The following CCND3 variants were observed in gnomAD, a reference collection of about 807,000 sequenced individuals.
CCND3 encodes cyclin D3, also known as G1/S-specific cyclin-D3.
A neutral mutation model predicts 28.7 loss-of-function variants in CCND3; 9 were observed. The observed-to-expected ratio is 0.31, with a 90% CI of 0.19 to 0.55. The LOEUF (loss-of-function observed/expected upper bound fraction) is 0.55. Among genes scored for constraint, CCND3 ranks in the 20% least tolerant of loss-of-function variants. The pLI is 0.93. For missense variants in CCND3, 315 were observed against 385.8 expected, an observed-to-expected ratio of 0.82 and a Z score of 1.54; for synonymous variants, 164 against 163.9, an observed-to-expected ratio of 1.00 and a Z score of 0.00.
upstream of CCND3, chr6:41,941,817 C>A: frequency 3.2e-6 from 1 of 308,612 alleles, no homozygotes; most frequent in Non-Finnish European, 5.8e-6. The surrounding 1 kb of genome is among the most constrained non-coding windows in gnomAD (Gnocchi z 6.1). Context: ...ACAGGCGCCC[C>A]GCCCCTCGCG....
At chr6:41,981,033 A>G (rs1466355718) in intron 1 of CCND3, among the ~76,000 whole-genome samples, 10 of 152,160 alleles carry the variant, frequency 6.6e-5, no homozygotes, top group Non-Finnish European at 1.5e-4. Flanking sequence ...TAGCTAATGC[A>G]ATAAGAAAAG....
At chr6:42,037,894 G>T (rs1238818778) in intron 1 of CCND3, among the ~76,000 whole-genome samples, 3 of 151,892 alleles carry the variant, frequency 2.0e-5, no homozygotes, top group Non-Finnish European at 4.4e-5. Flanking sequence ...AGCTGGGTGT[G>T]GTCGCACATG....
intron 1 of CCND3, among the ~76,000 whole-genome samples, chr6:41,954,797 A>T (rs1476918451): frequency 6.6e-6 from 1 of 152,164 alleles, no homozygotes; most frequent in Non-Finnish European, 1.5e-5. Context: ...TCCTACAGTG[A>T]TGGGCTTTGG....
At chr6:41,992,195 C>A (rs1762667028) in intron 1 of CCND3, among the ~76,000 whole-genome samples, 1 of 152,174 alleles carries the variant, frequency 6.6e-6, no homozygotes, top group South Asian at 2.1e-4. Context: ...AGAAGTCTCA[C>A]TCTGTCGCCC....
chr6:42,024,327 C>A, intron 1 of CCND3, among the ~76,000 whole-genome samples: 1 of 151,010 alleles, frequency 6.6e-6, no homozygotes, highest in Admixed American at 6.7e-5. Context: ...GGCATGAACC[C>A]AGGAGGCGGA....
intron 1 of CCND3, among the ~76,000 whole-genome samples, chr6:41,950,719 T>TTC (rs1220452165): frequency 5.3e-5 from 8 of 150,664 alleles, no homozygotes; most frequent in Non-Finnish European, 8.9e-5. Context: ...TTTTCTTTTT[T>TTC]TTTTTTTGAG....
upstream of CCND3, among the ~76,000 whole-genome samples, chr6:41,944,436 G>C (rs1485171187): frequency 6.7e-6 from 1 of 149,492 alleles, no homozygotes; most frequent in Admixed American, 6.6e-5. Context: ...TTTGTTTTTT[G>C]GTTTTCTTTG....
chr6:42,004,241 A>G (rs1763116054), intron 1 of CCND3, among the ~76,000 whole-genome samples: 1 of 151,960 alleles, frequency 6.6e-6, no homozygotes, highest in Admixed American at 6.6e-5. Flanking sequence ...CTGGGATTAC[A>G]GGTGTGAGCC....
intron 1 of CCND3, among the ~76,000 whole-genome samples, chr6:41,955,997 T>C (rs1328408963): frequency 3.9e-5 from 6 of 152,090 alleles, no homozygotes; most frequent in Non-Finnish European, 8.8e-5. Context: ...TAAATATGTA[T>C]ATATTTAAAT....
At chr6:42,006,540 G>GA (rs914017546) in intron 1 of CCND3, among the ~76,000 whole-genome samples, 49 of 151,268 alleles carry the variant, frequency 3.2e-4, no homozygotes, top group African/African-American at 4.6e-4. Context: ...GTATAGAATT[G>GA]AAAAAAAACA....
At chr6:42,008,078 T>G (rs1763228991) in intron 1 of CCND3, among the ~76,000 whole-genome samples, 1 of 151,970 alleles carries the variant, frequency 6.6e-6, no homozygotes, top group Non-Finnish European at 1.5e-5. Flanking sequence ...TTTTTTAATA[T>G]AAAAAATAGT....
At chr6:41,974,958 A>G (rs1482413665) in intron 1 of CCND3, among the ~76,000 whole-genome samples, 2 of 151,492 alleles carry the variant, frequency 1.3e-5, no homozygotes, top group African/African-American at 4.9e-5. Flanking sequence ...ACGCCCAGCT[A>G]ATTTTTGTAT....
chr6:41,940,806 G>A (rs946046129), intron 1 of CCND3: 1 of 927,684 alleles, frequency 1.1e-6, no homozygotes, highest in Non-Finnish European at 1.8e-6. Flanking sequence ...TGACGGGGGA[G>A]TGGTAAAGCC....
chr6:42,005,833 G>A (rs1356020304), intron 1 of CCND3, among the ~76,000 whole-genome samples: 3 of 151,854 alleles, frequency 2.0e-5, no homozygotes, highest in Non-Finnish European at 4.4e-5. Flanking sequence ...ACAGGCACCC[G>A]CCACCATGCC....
chr6:42,020,702 C>T (rs1050187745), intron 1 of CCND3, among the ~76,000 whole-genome samples: 1 of 152,192 alleles, frequency 6.6e-6, no homozygotes, highest in African/African-American at 2.4e-5. Flanking sequence ...GCACAGAGAG[C>T]CTGCACTCCA....
intron 1 of CCND3, among the ~76,000 whole-genome samples, chr6:41,969,324 CA>C (rs539433269): frequency 2.6e-5 from 4 of 151,716 alleles, no homozygotes; most frequent in Non-Finnish European, 5.9e-5. Context: ...CCATCCTGGC[CA>C]ACCAACATGG....
intron 1 of CCND3, among the ~76,000 whole-genome samples, chr6:42,016,583 C>T (rs1397621781): frequency 1.1e-4 from 1 of 8,848 alleles, no homozygotes; most frequent in African/African-American, 1.7e-4. Context: ...GCTGCTATTA[C>T]TATCTATTAC....
Position 42,026,397 on chromosome 6 carries a change from G to A in CCND3, c.-46+22104C>T, listed in dbSNP as rs148535792. On this transcript the variant is annotated intron_variant, in intron 1 of 4. Coordinates refer to the CCND3 transcript ENST00000372988. Reference sequence around the variant, plus strand: ...CCTCCAAGGGGCCTCTGGTCAAGGCGAAGGAGAATCAGACCCTCCACCTTT... The same window carrying A: ...CCTCCAAGGGGCCTCTGGTCAAGGCAAAGGAGAATCAGACCCTCCACCTTT... Among the ~76,000 whole-genome samples the A allele has an allele frequency of 2.1e-4, 32 of 152,176 alleles. No individual in the cohort carries two copies. In the East Asian group the frequency reaches 5.2e-3, roughly 25 times the overall value.
chr6:41,998,523 T>C (rs1762884063), intron 1 of CCND3, among the ~76,000 whole-genome samples: 1 of 151,172 alleles, frequency 6.6e-6, no homozygotes, highest in Non-Finnish European at 1.5e-5. Flanking sequence ...CAACGGGGTT[T>C]CACCATGTTG....
Sources: allele counts gnomAD v4.1 joint callset (sites outside exome capture counted in the v4.1 genomes callset), GRCh38; gene constraint gnomAD v4.1.1; non-coding constraint Gnocchi (gnomAD v3.1); transcripts MANE v1.5; gene names NCBI Gene and HGNC (gene_info 2026-07-23, HGNC 2026-07-21).